UBE2D3: variants seen among roughly 807,000 people sequenced by gnomAD.
UBE2D3 encodes the protein ubiquitin-conjugating enzyme E2 D3.
Under a neutral mutation model 22.8 loss-of-function variants are expected in UBE2D3, and 2 were observed. The ratio of observed to expected loss-of-function variants is 0.09; its 90% CI spans 0.04 to 0.28. The LOEUF (loss-of-function observed/expected upper bound fraction) is 0.28, where lower values mean the gene tolerates loss of function less well. UBE2D3 is among the 10% of genes least tolerant of loss of function. The pLI is 1.00. For synonymous variants in UBE2D3, 56 were observed against 60.4 expected (o/e 0.93, Z 0.34); for missense variants, 27 against 182.5 (o/e 0.15, Z 4.91).
intron 1 of UBE2D3, among the ~76,000 whole-genome samples, chr4:102,859,731 T>C (rs572907788): frequency 3.3e-5 from 5 of 152,012 alleles, no homozygotes; most frequent in Non-Finnish European, 4.4e-5. Flanking sequence ...CTGGATAATA[T>C]CAAATGATCT....
upstream of UBE2D3, among the ~76,000 whole-genome samples, chr4:102,828,679 CTAAT>C (rs1266853945): frequency 1.3e-5 from 2 of 152,318 alleles, no homozygotes; most frequent in South Asian, 2.1e-4. Context: ...AGTGTTGAGA[CTAAT>C]TAGTTAATTA....
At chr4:102,811,678 CA>C (rs538419936) in intron 2 of UBE2D3, 575 of 337,668 alleles carry the variant, frequency 1.7e-3, no homozygotes, top group South Asian at 2.1e-3. Flanking sequence ...TCAAAAACAA[CA>C]AAAAAAAAAC....
upstream of UBE2D3, chr4:102,827,921 AC>A: frequency 1.0e-6 from 1 of 985,540 alleles, no homozygotes; most frequent in African/African-American, 1.7e-5. Flanking sequence ...GCCCCTCCCC[AC>A]AGCGTCCCCC....
chr4:102,827,174 G>GCGCGCGCCCGCCCAGCCACCTCCAC (rs1323140191), intron 1 of UBE2D3: 67 of 986,780 alleles, frequency 6.8e-5, no homozygotes, highest in Non-Finnish European at 8.1e-5. Context: ...GCGCGCTCCC[G>GCGCGCGCCCGCCCAGCCACCTCCAC]CGCGCGCCCG....
chr4:102,827,792 T>G, upstream of UBE2D3: 1 of 984,900 alleles, frequency 1.0e-6, no homozygotes, highest in Non-Finnish European at 1.2e-6. Context: ...AGGAGGATCA[T>G]GAGCTGGGGG....
chr4:102,830,709 TAAAAC>T (rs912004377), upstream of UBE2D3, among the ~76,000 whole-genome samples: 3 of 152,042 alleles, frequency 2.0e-5, no homozygotes, highest in African/African-American at 7.2e-5. Context: ...ACAAAAATAA[TAAAAC>T]AATTAGCTGA....
At position 102,868,723 on chromosome 4, in the gene UBE2D3, G is replaced by A. The variant is rs1733307207; in HGVS notation, c.-137C>T. ...GACAGCAAGAGACTCACTTTTGAAA[G>A]GCACTTTCGGTTAGAAAGCATTCTC... is the stretch of plus-strand genomic sequence containing the variant. On this transcript the variant is annotated 5_prime_UTR_variant, in exon 1 of 8. Coordinates refer to the UBE2D3 transcript ENST00000338145. 5 of 1,613,924 alleles carry A rather than the reference G, an allele frequency of 3.1e-6. No individual in the cohort carries two copies. In the African/African-American group the frequency reaches 4.0e-5, roughly 13 times the overall value.
exon 1 of UBE2D3, chr4:102,868,759 C>G (rs1402387089): frequency 6.2e-7 from 1 of 1,614,120 alleles, no homozygotes; most frequent in Non-Finnish European, 8.5e-7. Flanking sequence ...ACATGCTTAT[C>G]TCATCGCACA....
At chr4:102,813,869 C>T (rs1015537091) in intron 2 of UBE2D3, among the ~76,000 whole-genome samples, 2 of 152,126 alleles carry the variant, frequency 1.3e-5, no homozygotes, top group Non-Finnish European at 2.9e-5. Flanking sequence ...GCCAGTTGTT[C>T]GGGAATGGTC....
At chr4:102,810,645 T>C (rs948778887) in intron 2 of UBE2D3, 34 of 152,152 alleles carry the variant, frequency 2.2e-4, no homozygotes, top group African/African-American at 8.2e-4. Flanking sequence ...AAGAGCGTAC[T>C]TCTGTAAGTA....
At chr4:102,830,812 G>A (rs560295767), upstream of UBE2D3, among the ~76,000 whole-genome samples, 58 of 152,198 alleles carry the variant, frequency 3.8e-4, no homozygotes, top group Non-Finnish European at 3.1e-4. Flanking sequence ...GCTGCAGTGA[G>A]CTGTGATTGT....
rs573662489 is a variant in UBE2D3 at position 102,821,090 on chromosome 4, G to A, written c.24+5395C>T. On this transcript the variant is annotated intron_variant, in intron 2 of 7. Transcript: ENST00000453744. ...TAAATCTTATCTAATAAGAGAAACTGGGCAGTAAGATATTTGGTGAATGCA... is the reference window on the plus strand; with the variant it reads ...TAAATCTTATCTAATAAGAGAAACTAGGCAGTAAGATATTTGGTGAATGCA... 1.1e-4 allele frequency among the ~76,000 whole-genome samples: 16 copies of A among 152,188 alleles called. No individual in the cohort carries two copies. In the South Asian group the frequency reaches 3.3e-3, roughly 32 times the overall value.
upstream of UBE2D3, chr4:102,828,027 T>G (rs1201625968): frequency 2.0e-6 from 2 of 985,330 alleles, no homozygotes; most frequent in Admixed American, 6.1e-5. Context: ...AGAGCAGTTT[T>G]GTGCGCTTTT....
At chr4:102,855,185 T>C (rs923291253) in intron 1 of UBE2D3, among the ~76,000 whole-genome samples, 1 of 152,184 alleles carries the variant, frequency 6.6e-6, no homozygotes, top group Admixed American at 6.5e-5. Context: ...TGCCTACAGC[T>C]CTTGCTTTCT....
intron 2 of UBE2D3, chr4:102,811,438 T>C (rs902220351): frequency 3.8e-5 from 6 of 159,458 alleles, no homozygotes; most frequent in African/African-American, 1.4e-4. Flanking sequence ...TCCCAGCACT[T>C]TGGGAGGCTG....
intron 1 of UBE2D3, among the ~76,000 whole-genome samples, chr4:102,867,990 A>G (rs1393405498): frequency 6.6e-6 from 1 of 151,944 alleles, no homozygotes. Context: ...AGTGTGGCCT[A>G]GGGAAGCCAT....
intron 1 of UBE2D3, among the ~76,000 whole-genome samples, chr4:102,858,541 C>T (rs749111167): frequency 1.1e-4 from 16 of 151,604 alleles, no homozygotes; most frequent in Non-Finnish European, 2.2e-4. Context: ...TGTTCAGAAA[C>T]GACACAAGGT....
intron 7 of UBE2D3, chr4:102,798,972 T>C (rs140012829): frequency 1.2e-6 from 2 of 1,611,214 alleles, no homozygotes; most frequent in African/African-American, 2.7e-5. Context: ...TGCTAACCTA[T>C]TGTACCTAAT....
chr4:102,804,698 G>A (rs1726755512), intron 4 of UBE2D3, among the ~76,000 whole-genome samples: 3 of 152,040 alleles, frequency 2.0e-5, no homozygotes, highest in Admixed American at 6.6e-5. Flanking sequence ...TTTTGAGACA[G>A]GGTCTTGCTC....
Sources: gnomAD v4.1 joint callset for allele counts (sites outside exome capture counted in the v4.1 genomes callset) on GRCh38, gnomAD v4.1.1 for gene constraint, MANE v1.5 for transcripts, NCBI Gene and HGNC (gene_info 2026-07-23, HGNC 2026-07-21) for gene names.